CDH2: variants seen among roughly 807,000 people sequenced by gnomAD.
CDH2 encodes cadherin 2.
In CDH2, 17 loss-of-function variants were observed where a neutral mutation model predicts 92.0. The observed-to-expected ratio is 0.18, with a 90% CI of 0.13 to 0.28. The LOEUF (loss-of-function observed/expected upper bound fraction) is 0.28. Among genes scored for constraint, CDH2 ranks in the 10% least tolerant of loss-of-function variants. The pLI is 1.00. For synonymous variants in CDH2, 419 were observed against 415.9 expected, an observed-to-expected ratio of 1.01 and a Z score of -0.09; for missense variants, 862 against 1,133.1, an observed-to-expected ratio of 0.76 and a Z score of 3.44.
At chr18:27,980,813 A>C (rs201261303) in intron 14 of CDH2, among the ~76,000 whole-genome samples, 40 of 149,440 alleles carry the variant, frequency 2.7e-4, no homozygotes, top group East Asian at 1.4e-3. Context: ...AAAAAAAAAA[A>C]CCCCAAAAGC....
chr18:27,939,789 T>C (rs1171000115), intron 6 of CDH2, among the ~76,000 whole-genome samples: 1 of 152,200 alleles, frequency 6.6e-6, no homozygotes, highest in African/African-American at 2.4e-5. Flanking sequence ...TGCACTATGG[T>C]GTGCCTCTCA....
At chr18:27,987,583 T>A (rs2012275584) in intron 11 of CDH2, among the ~76,000 whole-genome samples, 1 of 152,228 alleles carries the variant, frequency 6.6e-6, no homozygotes, top group African/African-American at 2.4e-5. Flanking sequence ...GTACCAACAT[T>A]CATATTCATA....
intron 2 of CDH2, among the ~76,000 whole-genome samples, chr18:28,131,059 C>T (rs1222370234): frequency 6.6e-6 from 1 of 152,130 alleles, no homozygotes; most frequent in African/African-American, 2.4e-5. Flanking sequence ...TTCCAAAAAT[C>T]CAAGAGAGCA....
intron 2 of CDH2, among the ~76,000 whole-genome samples, chr18:28,093,030 G>A (rs550210206): frequency 6.6e-6 from 1 of 152,054 alleles, no homozygotes; most frequent in South Asian, 2.1e-4. Flanking sequence ...TTATTAAAAA[G>A]GATAGTGGCA....
In CDH2 at chr18:27,951,210, C is replaced by CT. The variant is rs1909427465; in HGVS notation, c.*942dup. The CT allele has an allele frequency of 7.3e-6, 1 of 137,930 alleles. No individual in the cohort carries two copies. Among genetic ancestry groups the CT allele is most frequent in the Non-Finnish European group, 1.5e-5 (1 of 65,294 alleles). The allele number at this position is 137,930 out of a possible 1,614,324, so 8.5% of individuals were successfully genotyped here. A position where few individuals can be genotyped will look rare whatever the true frequency, so the allele number is the denominator to read the frequency against. ...TTATGTAAAACATTTGTGCTAAGAA[C>CT]TTTTCTCCCTCCCCAAACCAAAAAG... On this transcript the variant is annotated 3_prime_UTR_variant, in exon 16 of 16. Coordinates refer to ENST00000269141, the MANE Select transcript of CDH2 (RefSeq NM_001792.5).
At chr18:28,033,771 C>T (rs2013757155) in intron 2 of CDH2, among the ~76,000 whole-genome samples, 1 of 151,996 alleles carries the variant, frequency 6.6e-6, no homozygotes, top group Non-Finnish European at 1.5e-5. Flanking sequence ...TACAGTCATG[C>T]CTTGTATAAA....
chr18:28,138,727 C>A (rs2015904674), intron 2 of CDH2, among the ~76,000 whole-genome samples: 1 of 152,106 alleles, frequency 6.6e-6, no homozygotes, highest in Non-Finnish European at 1.5e-5. Context: ...CACCGTTCAA[C>A]ATGACTTGTC....
At chr18:28,079,468 G>C (rs2014785837) in intron 2 of CDH2, among the ~76,000 whole-genome samples, 1 of 152,158 alleles carries the variant, frequency 6.6e-6, no homozygotes, top group African/African-American at 2.4e-5. Flanking sequence ...TTATTCTATA[G>C]CTAAGTGTCT....
intron 2 of CDH2, among the ~76,000 whole-genome samples, chr18:28,096,422 T>A (rs1273787843): frequency 6.7e-6 from 1 of 150,370 alleles, no homozygotes. Flanking sequence ...TTTTTTTTTT[T>A]AACATAACAC....
intron 2 of CDH2, among the ~76,000 whole-genome samples, chr18:28,020,875 G>A (rs2013390997): frequency 6.6e-6 from 1 of 151,930 alleles, no homozygotes; most frequent in Non-Finnish European, 1.5e-5. Flanking sequence ...ACTAATGCAG[G>A]ATGTTACCAA....
chr18:27,988,741 A>G, intron 10 of CDH2, 75 bp from the exon 11 acceptor site: 1 of 1,069,022 alleles, frequency 9.4e-7, no homozygotes, highest in South Asian at 1.4e-5. Context: ...TTAGTTCCAA[A>G]TGCAACTGGC....
intron 2 of CDH2, among the ~76,000 whole-genome samples, chr18:28,108,935 C>G (rs2015366396): frequency 6.6e-6 from 1 of 152,126 alleles, no homozygotes; most frequent in Non-Finnish European, 1.5e-5. Context: ...TCATAAAACT[C>G]AAGTTTAGTC....
At chr18:28,038,413 C>T (rs1599054101) in intron 2 of CDH2, among the ~76,000 whole-genome samples, 1 of 143,684 alleles carries the variant, frequency 7.0e-6, no homozygotes, top group African/African-American at 2.6e-5. Context: ...ACAGTGAGAC[C>T]TTGTCTCAAG....
chr18:28,132,993 A>C (rs1465772366), intron 2 of CDH2, among the ~76,000 whole-genome samples: 1 of 152,164 alleles, frequency 6.6e-6, no homozygotes, highest in South Asian at 2.1e-4. Context: ...CTCCCATGTC[A>C]AACCAATCTC....
chr18:27,989,036 G>A (rs571322400), intron 10 of CDH2, among the ~76,000 whole-genome samples: 1 of 152,186 alleles, frequency 6.6e-6, no homozygotes, highest in Non-Finnish European at 1.5e-5. Context: ...TAGTCTCAAT[G>A]TACAGGAGTT....
chr18:27,971,613 C>T (rs1439318022), intron 14 of CDH2, among the ~76,000 whole-genome samples: 1 of 152,078 alleles, frequency 6.6e-6, no homozygotes, highest in Non-Finnish European at 1.5e-5. Flanking sequence ...CTAATGTGTA[C>T]CCTGGCCACG....
intron 2 of CDH2, among the ~76,000 whole-genome samples, chr18:28,039,445 A>T (rs1001273070): frequency 1.3e-5 from 2 of 152,042 alleles, no homozygotes; most frequent in African/African-American, 4.8e-5. Context: ...GATCCTTGGA[A>T]CTCCAGGCTG....
chr18:28,070,145 A>T (rs936503801), intron 2 of CDH2, among the ~76,000 whole-genome samples: 2 of 152,170 alleles, frequency 1.3e-5, no homozygotes, highest in African/African-American at 4.8e-5. Context: ...TCTGTAGGTC[A>T]AGAAAACATA....
In CDH2 at chr18:27,939,851, T is replaced by C. The variant is rs17492987; in HGVS notation, c.1152-6727A>G. On this transcript the variant is annotated intron_variant, in intron 6 of 6. Coordinates refer to the CDH2 transcript ENST00000675173. ...GCTTTCCCATTTCTGATAGTACTGC[T>C]GGCAGATGGCCCTCAGTTGTCAGCC... 4.8e-3 allele frequency among the ~76,000 whole-genome samples: 733 copies of C among 152,338 alleles called. 4 individuals carry two copies. Among genetic ancestry groups the C allele is most frequent in the African/African-American group, 0.016 (658 of 41,580 alleles).
Sources: allele counts gnomAD v4.1 joint callset (sites outside exome capture counted in the v4.1 genomes callset), GRCh38; gene constraint gnomAD v4.1.1; transcripts MANE v1.5; gene names NCBI Gene and HGNC (gene_info 2026-07-23, HGNC 2026-07-21).